USP9X: variants seen among roughly 807,000 people sequenced by gnomAD.
USP9X encodes ubiquitin specific peptidase 9 X-linked, also known as ubiquitin carboxyl-terminal hydrolase 9X.
USP9X carries 7 observed loss-of-function variants against 190.3 expected under a neutral mutation model. The ratio of observed to expected loss-of-function variants is 0.04; its 90% confidence interval spans 0.02 to 0.07. The LOEUF (loss-of-function observed/expected upper bound fraction) is 0.07, where lower values mean the gene tolerates loss of function less well. USP9X is among the 10% of genes least tolerant of loss of function. USP9X has a pLI of 1.00. For missense variants in USP9X, 1,010 were observed against 1,916.9 expected, an observed-to-expected ratio of 0.53 and a Z score of 8.83; for synonymous variants, 645 against 659.5, an observed-to-expected ratio of 0.98 and a Z score of 0.34.
rs757851303 is a variant in USP9X at position 41,196,600 on chromosome X, A to G, written c.4095A>G (p.Ala1365=). ...TLLFTVLGST[A]RERAKHSGDY... is the part of the protein sequence containing the mutation. ...TTCTACTCTGTTTCCAGAGCACAGC[A>G]AGAGAGAGAGCTAAACACTCAGGCG... Residue 1365 remains alanine, a synonymous_variant, in exon 28 of 45, where the codon GCA becomes GCG. Coordinates refer to ENST00000378308, the MANE Select transcript of USP9X (RefSeq NM_001039591.3). 18 of 1,206,519 alleles carry G rather than the reference A, an allele frequency of 1.5e-5. No individual in the cohort carries two copies. The African/African-American group carries it at 2.6e-4, about 18-fold the overall frequency.
intron 3 of USP9X, among the ~76,000 whole-genome samples, chrX:41,129,942 G>T (rs771606818): frequency 9.0e-6 from 1 of 110,870 alleles, no homozygotes; most frequent in Non-Finnish European, 1.9e-5. Context: ...GAAATCCTTT[G>T]CATTAAAAAA....
intron 1 of USP9X, among the ~76,000 whole-genome samples, chrX:41,104,457 T>C (rs1349857764): frequency 6.2e-5 from 7 of 112,430 alleles, no homozygotes; most frequent in Non-Finnish European, 1.1e-4. Context: ...TGCAATGGAA[T>C]AACAGCTATA....
rs1243430455 is a variant in USP9X at position 41,233,283 on chromosome X, C to G, written c.*759C>G. ...TATTACTCAGAGCTTTTACTTCTTACACCTAGAATATTAAAATATAAAACA... is the reference window on the plus strand; with the variant it reads ...TATTACTCAGAGCTTTTACTTCTTAGACCTAGAATATTAAAATATAAAACA... On this transcript the variant is annotated 3_prime_UTR_variant, in exon 45 of 45. Transcript: ENST00000378308. The G allele has an allele frequency of 8.9e-6, 1 of 111,900 alleles. No homozygotes were observed. Among genetic ancestry groups the G allele is most frequent in the Non-Finnish European group, 1.9e-5 (1 of 53,215 alleles). 9.2% of individuals were successfully genotyped at this position (111,900 alleles called of 1,213,427 possible). A position where few individuals can be genotyped will look rare whatever the true frequency, so the allele number is the denominator to read the frequency against.
At chrX:41,151,553 T>TTACCAGAACATG (rs1444649063) in intron 13 of USP9X, among the ~76,000 whole-genome samples, 4 of 112,211 alleles carry the variant, frequency 3.6e-5, no homozygotes, top group Non-Finnish European at 7.5e-5. Flanking sequence ...TTGGAACTGA[T>TTACCAGAACATG]AACATGAAAA....
At chrX:41,158,305 CAGAG>C (rs764318668) in intron 14 of USP9X, among the ~76,000 whole-genome samples, 6 of 111,179 alleles carry the variant, frequency 5.4e-5, no homozygotes, top group Non-Finnish European at 1.1e-4. Flanking sequence ...ACATTATAGT[CAGAG>C]AGAACAATTG....
intron 18 of USP9X, 60 bp downstream of exon 18, chrX:41,168,278 T>G (rs780916043): frequency 6.0e-6 from 6 of 1,008,178 alleles, no homozygotes; most frequent in Non-Finnish European, 7.9e-6. Flanking sequence ...TTCCTAGCCA[T>G]TTGGTAAAAG....
chrX:41,141,444 GT>G lies in USP9X; in HGVS notation c.1161+15del. The G allele has an allele frequency of 8.7e-7, 1 of 1,153,727 alleles. No individual in the cohort carries two copies. Among genetic ancestry groups the G allele is most frequent in the African/African-American group, 1.8e-5 (1 of 55,531 alleles). Reference sequence around the variant, plus strand: ...TGAACGAATGGCAGTGAGTCTTTCAGTTCTTCTTCATAGGAATAAGAATCTA... The same window carrying G: ...TGAACGAATGGCAGTGAGTCTTTCAGTCTTCTTCATAGGAATAAGAATCTA... On this transcript the variant is annotated intron_variant, in intron 9 of 44. Transcript: ENST00000378308.
intron 12 of USP9X, among the ~76,000 whole-genome samples, chrX:41,150,396 C>T (rs892896191): frequency 5.4e-5 from 6 of 111,130 alleles, no homozygotes; most frequent in South Asian, 3.7e-4. Flanking sequence ...TCTCCTTGTA[C>T]GTGTGTTTCT....
rs754284452 is a variant in USP9X at position 41,170,122 on chromosome X, C to T, written c.2764C>T (p.Arg922Cys). Reference protein sequence around the residue: ...IGSVRRCILNRIKANVAHTKI... With the variant: ...IGSVRRCILNCIKANVAHTKI... ...TTCAGTACGACGATGTATTCTCAAT[C>T]GTATTAAAGCCAACGTAGCCCATAC... The change falls in exon 19 of 45, where the codon CGT becomes TGT. Residue 922 changes from arginine (R) to cysteine (C), a missense_variant. Arg to Cys is a radical substitution (Grantham distance 180). Coordinates refer to ENST00000378308, the MANE Select transcript of USP9X (RefSeq NM_001039591.3). 5.0e-6 allele frequency: 6 copies of T among 1,211,621 alleles called. No homozygotes were observed. Among genetic ancestry groups the T allele is most frequent in the Admixed American group, 4.3e-5 (2 of 45,994 alleles).
At chrX:41,139,728 A>C (rs971358706) in intron 6 of USP9X, among the ~76,000 whole-genome samples, 4 of 112,204 alleles carry the variant, frequency 3.6e-5, no homozygotes, top group African/African-American at 1.3e-4. Flanking sequence ...AACATTGAAC[A>C]TACAGCCATT....
Position 41,136,831 on chromosome X carries a change from C to G in USP9X, c.463C>G (p.Leu155Val). ...GTGTATTATTAACAATACTCATCGT[C>G]TGGTGGAGCTATGTGTGGCCAAGTT... ...HRCIINNTHR[L>V]VELCVAKLSQ... Residue 155 changes from leucine (L) to valine (V), a missense_variant, in exon 6 of 45, where the codon CTG becomes GTG. This residue lies in a region of USP9X where 176 missense variants were observed against 247.5 expected (regional missense o/e 0.71). Transcript: ENST00000378308. The G allele has an allele frequency of 8.3e-7, 1 of 1,210,779 alleles. No individual in the cohort carries two copies. The highest frequency in any genetic ancestry group is 1.1e-6 in the Non-Finnish European group (1 of 894,672).
chrX:41,100,523 A>T (rs1260858906), intron 1 of USP9X, among the ~76,000 whole-genome samples: 1 of 111,345 alleles, frequency 9.0e-6, no homozygotes, highest in Non-Finnish European at 1.9e-5. Flanking sequence ...TTTAATTAGC[A>T]TTTTTTCCTT....
Position 41,175,514 on chromosome X carries a change from C to T in USP9X, c.3148+3556C>T, listed in dbSNP as rs770682642. On this transcript the variant is annotated intron_variant, in intron 21 of 44. Transcript: ENST00000378308. The stretch of plus-strand genomic sequence containing the variant: ...CTCCAGCCTGGGCAACAGAACAAGA[C>T]GCTGTCTCAAAAAAAAAAAAATTTA... Among the ~76,000 whole-genome samples, 12 of 109,569 alleles carry T rather than the reference C, an allele frequency of 1.1e-4. No individual in the cohort carries two copies. In the East Asian group the frequency reaches 1.7e-3, roughly 16 times the overall value.
intron 2 of USP9X, among the ~76,000 whole-genome samples, chrX:41,127,887 G>C (rs2062270228): frequency 8.9e-6 from 1 of 112,277 alleles, no homozygotes; most frequent in Non-Finnish European, 1.9e-5. Flanking sequence ...GAAAATTCAA[G>C]AACACATGAA....
At chrX:41,114,623 G>GTGC (rs1730023120) in intron 1 of USP9X, among the ~76,000 whole-genome samples, 1 of 107,658 alleles carries the variant, frequency 9.3e-6, no homozygotes, top group African/African-American at 3.4e-5. Flanking sequence ...GGGATTAAAG[G>GTGC]TGCACACCAT....
At chrX:41,188,340 T>C (rs1285516788) in intron 25 of USP9X, among the ~76,000 whole-genome samples, 1 of 112,242 alleles carries the variant, frequency 8.9e-6, no homozygotes, top group Non-Finnish European at 1.9e-5. Flanking sequence ...AAATTGCCTT[T>C]TGCTGCTTCT....
chrX:41,102,550 G>A (rs1001462220), intron 1 of USP9X, among the ~76,000 whole-genome samples: 1 of 111,702 alleles, frequency 9.0e-6, no homozygotes, highest in East Asian at 2.8e-4. Flanking sequence ...TTGAGCCCAG[G>A]AGGTGGAGGT....
chrX:41,179,421 G>T (rs2062807213), intron 21 of USP9X, among the ~76,000 whole-genome samples: 1 of 111,595 alleles, frequency 9.0e-6, no homozygotes, highest in African/African-American at 3.3e-5. Flanking sequence ...TTTGTGTCCT[G>T]TGTTCGTTCT....
chrX:41,125,684 A>ACACACACTCTCTCTCTCTCTCT, intron 2 of USP9X, among the ~76,000 whole-genome samples: 5 of 19,027 alleles, frequency 2.6e-4, no homozygotes, highest in South Asian at 3.7e-3. Flanking sequence ...ACACACACAC[A>ACACACACTCTCTCTCTCTCTCT]CTCTCTCTCT....
Sources: gnomAD v4.1 joint callset for allele counts (sites outside exome capture counted in the v4.1 genomes callset) on GRCh38, gnomAD v4.1.1 for gene constraint, gnomAD v4.1.1 regional missense constraint, MANE v1.5 for transcripts, NCBI Gene and HGNC (gene_info 2026-07-23, HGNC 2026-07-21) for gene names.